Variants in ROBO1 observed in about 807,000 individuals in gnomAD.
The protein encoded by ROBO1 is roundabout homolog 1.
A neutral mutation model predicts 195.9 loss-of-function variants in ROBO1; 149 were observed. That is an observed-to-expected ratio of 0.76 (90% CI 0.67 to 0.87). ROBO1 has a LOEUF of 0.87. ROBO1 is among the 40% of genes least tolerant of loss of function. ROBO1 has a pLI of 0.00. For synonymous variants in ROBO1, 816 were observed against 733.2 expected (o/e 1.11, Z -1.82); for missense variants, 1,933 against 2,068.3 (o/e 0.93, Z 1.27).
intron 3 of ROBO1, among the ~76,000 whole-genome samples, chr3:79,123,324 C>A (rs2080155200): frequency 6.6e-6 from 1 of 151,984 alleles, no homozygotes; most frequent in Non-Finnish European, 1.5e-5. Context: ...TACATTCAGA[C>A]ATTCACACAC....
chr3:78,979,286 C>T (rs556145467), intron 3 of ROBO1, among the ~76,000 whole-genome samples: 6 of 152,214 alleles, frequency 3.9e-5, no homozygotes, highest in South Asian at 4.1e-4. Flanking sequence ...AATCAGCCAA[C>T]GTGAAATAAA....
chr3:79,370,164 G>A (rs912788793), intron 2 of ROBO1, among the ~76,000 whole-genome samples: 23 of 151,778 alleles, frequency 1.5e-4, no homozygotes, highest in African/African-American at 5.6e-4. Context: ...AGACCAGCCT[G>A]GGCAACATGG....
At position 78,672,557 on chromosome 3, in the gene ROBO1, C is replaced by T. The variant is rs923620102; in HGVS notation, c.1343-2256G>A. On this transcript the variant is annotated intron_variant, in intron 10 of 30. Transcript: ENST00000464233. ...CAGTGGTGGACTTTGATCAGGCCAC[C>T]GCACTCCAGCCTGGGTGACAGAGTG... Among the ~76,000 whole-genome samples the T allele has an allele frequency of 1.1e-4, 16 of 144,426 alleles. No individual in the cohort carries two copies. In the South Asian group the frequency reaches 1.5e-3, roughly 14 times the overall value. The allele number at this position is 144,426 out of a possible 152,430, so 94.7% of individuals were successfully genotyped here. A position where few individuals can be genotyped will look rare whatever the true frequency, so the allele number is the denominator to read the frequency against.
intron 2 of ROBO1, among the ~76,000 whole-genome samples, chr3:79,353,805 G>T (rs1047912403): frequency 6.6e-6 from 1 of 152,172 alleles, no homozygotes; most frequent in Non-Finnish European, 1.5e-5. Flanking sequence ...AGCACTTTGT[G>T]AGGCCAAGGA....
chr3:78,820,004 T>C (rs1392713145), intron 4 of ROBO1, among the ~76,000 whole-genome samples: 2 of 152,232 alleles, frequency 1.3e-5, no homozygotes, highest in East Asian at 3.8e-4. Flanking sequence ...TGTCTATAAA[T>C]AGGTCTTTAT....
chr3:79,546,107 T>C (rs1348982759), intron 2 of ROBO1, among the ~76,000 whole-genome samples: 1 of 152,108 alleles, frequency 6.6e-6, no homozygotes, highest in Non-Finnish European at 1.5e-5. Flanking sequence ...TATAACTTTC[T>C]TAATAGTAAT....
At chr3:78,950,041 G>A (rs1263074264) in intron 3 of ROBO1, among the ~76,000 whole-genome samples, 1 of 152,136 alleles carries the variant, frequency 6.6e-6, no homozygotes, top group Non-Finnish European at 1.5e-5. Context: ...GGAGAAATAG[G>A]AACACTTTTC....
intron 4 of ROBO1, among the ~76,000 whole-genome samples, chr3:78,854,555 G>C (rs187843449): frequency 1.2e-4 from 18 of 150,828 alleles, no homozygotes; most frequent in Admixed American, 3.3e-4. Flanking sequence ...TGTGTGGCAG[G>C]ATTATTAATA....
At chr3:79,324,719 G>A (rs541602290) in intron 2 of ROBO1, among the ~76,000 whole-genome samples, 1 of 152,332 alleles carries the variant, frequency 6.6e-6, no homozygotes, top group Admixed American at 6.5e-5. Context: ...GTTAAGGGCA[G>A]AATGGAAGTT....
At chr3:79,627,890 A>G (rs1211699512) in intron 1 of ROBO1, among the ~76,000 whole-genome samples, 3 of 152,210 alleles carry the variant, frequency 2.0e-5, no homozygotes, top group Non-Finnish European at 4.4e-5. Context: ...AACATATGAA[A>G]AAAAGTTCAA....
intron 3 of ROBO1, among the ~76,000 whole-genome samples, chr3:79,094,193 G>A (rs938030556): frequency 1.3e-5 from 2 of 152,070 alleles, no homozygotes; most frequent in African/African-American, 4.8e-5. Flanking sequence ...TATGGGAGTT[G>A]CTTATTACAG....
intron 2 of ROBO1, among the ~76,000 whole-genome samples, chr3:79,415,090 A>G (rs1459311070): frequency 2.0e-5 from 3 of 152,142 alleles, no homozygotes; most frequent in Admixed American, 1.3e-4. Context: ...GTCACTAACC[A>G]TATAAATACA....
intron 5 of ROBO1, among the ~76,000 whole-genome samples, chr3:78,734,559 T>A (rs1345688119): frequency 6.7e-6 from 1 of 149,418 alleles, no homozygotes; most frequent in Non-Finnish European, 1.5e-5. Context: ...ATACCCTGTC[T>A]CAAACAAACA....
chr3:78,665,891 A>C (rs1319410172), intron 14 of ROBO1, among the ~76,000 whole-genome samples: 1 of 152,014 alleles, frequency 6.6e-6, no homozygotes, highest in African/African-American at 2.4e-5. Flanking sequence ...CCAGTTAACA[A>C]GGATTCATTA....
chr3:78,626,753 A>G (rs1283893098), intron 26 of ROBO1, among the ~76,000 whole-genome samples: 1 of 118,816 alleles, frequency 8.4e-6, no homozygotes, highest in African/African-American at 4.1e-5. Context: ...ACAAGCACAC[A>G]CATACACACA....
chr3:79,235,898 A>G (rs2082398918), intron 2 of ROBO1, among the ~76,000 whole-genome samples: 1 of 152,122 alleles, frequency 6.6e-6, no homozygotes, highest in East Asian at 1.9e-4. Context: ...ATGGTATACT[A>G]TATTTTTGAA....
rs142895991 is a variant in ROBO1 at position 79,237,152 on chromosome 3, C to T, written c.89-111613G>A. ...ATAGAGATTTTTGTAAAACTCAATG[C>T]TATTTATTGGTGATAATGTTCTTGA... On this transcript the variant is annotated intron_variant, in intron 2 of 30. Coordinates refer to ENST00000464233, the MANE Select transcript of ROBO1 (RefSeq NM_002941.4). 3.5e-3 allele frequency among the ~76,000 whole-genome samples: 534 copies of T among 152,144 alleles called. 3 individuals carry two copies. The highest frequency in any genetic ancestry group is 5.2e-3 in the Non-Finnish European group (354 of 67,986).
intron 19 of ROBO1, among the ~76,000 whole-genome samples, chr3:78,648,596 G>C (rs1218470849): frequency 6.6e-6 from 1 of 151,236 alleles, no homozygotes; most frequent in African/African-American, 2.4e-5. Flanking sequence ...TAACGGCAGA[G>C]CAATTTCCAT....
chr3:78,774,388 G>A (rs1031320173), intron 4 of ROBO1, among the ~76,000 whole-genome samples: 18 of 151,386 alleles, frequency 1.2e-4, no homozygotes, highest in Admixed American at 9.9e-4. Context: ...TCGGCTCACC[G>A]CAAGCTACGC....
Sources: gnomAD v4.1 joint callset for allele counts (sites outside exome capture counted in the v4.1 genomes callset) on GRCh38, gnomAD v4.1.1 for gene constraint, MANE v1.5 for transcripts, NCBI Gene and HGNC (gene_info 2026-07-23, HGNC 2026-07-21) for gene names.